Variants in FNDC8 observed in about 807,000 individuals in gnomAD.
The protein encoded by FNDC8 is fibronectin type III domain containing 8.
A neutral mutation model predicts 24.8 loss-of-function variants in FNDC8; 23 were observed. That is an observed-to-expected ratio of 0.93 (90% CI 0.67 to 1.31). The LOEUF (loss-of-function observed/expected upper bound fraction) is 1.31. Ranked by LOEUF, FNDC8 falls within the 40% of genes most tolerant of loss-of-function variation. FNDC8 has a pLI of 0.00. For synonymous variants in FNDC8, 158 were observed against 165.3 expected (o/e 0.96, Z 0.34); for missense variants, 371 against 398.2 (o/e 0.93, Z 0.58).
intron 1 of FNDC8, among the ~76,000 whole-genome samples, chr17:35,124,902 G>C (rs1354448548): frequency 1.3e-5 from 2 of 151,524 alleles, no homozygotes; most frequent in African/African-American, 4.9e-5. Context: ...ACAAAAATTG[G>C]GCAGATGTGG....
chr17:35,130,142 T>G, intron 3 of FNDC8, 140 bp from the exon 4 acceptor site: 1 of 1,450,460 alleles, frequency 6.9e-7, no homozygotes, highest in Non-Finnish European at 9.0e-7. Flanking sequence ...TGCACCTGTT[T>G]CCTGCGTCAA....
At chr17:35,122,643 G>T (rs1245807438) in intron 1 of FNDC8, among the ~76,000 whole-genome samples, 1 of 151,964 alleles carries the variant, frequency 6.6e-6, no homozygotes, top group African/African-American at 2.4e-5. Context: ...CTCTCTCTTT[G>T]GTACCTTCAT....
In FNDC8 at chr17:35,129,420, A is replaced by G; in HGVS notation, c.586-2A>G. ...AAGCCTCGGGGCTCTCTCTTCCCCT[A>G]GATTTCCTGGACCTACGCCTTGGGC... On this transcript the variant is annotated splice_acceptor_variant, in intron 2 of 3. Coordinates refer to ENST00000158009, the MANE Select transcript of FNDC8 (RefSeq NM_017559.4). LOFTEE classifies it high-confidence loss of function. 6.2e-7 allele frequency: 1 copy of G among 1,612,878 alleles called. No individual in the cohort carries two copies. The highest frequency in any genetic ancestry group is 8.5e-7 in the Non-Finnish European group (1 of 1,178,976).
chr17:35,129,471 T>C lies in FNDC8; in HGVS notation c.635T>C (p.Leu212Pro), dbSNP rs2091863177. Residue 212 changes from leucine (L) to proline (P), a missense_variant, in exon 3 of 4, where the codon CTC becomes CCC. Transcript: ENST00000158009. Reference sequence around the variant, plus strand: ...AAGCAGCCGGTCAGTTTCTACCAGCTCCTGTTACAGGAGGTGGCCAAGACA... The same window carrying C: ...AAGCAGCCGGTCAGTTTCTACCAGCCCCTGTTACAGGAGGTGGCCAAGACA... Reference protein sequence around the residue: ...LGKQPVSFYQLLLQEVAKTQE... With the variant: ...LGKQPVSFYQPLLQEVAKTQE... 1.2e-6 allele frequency: 2 copies of C among 1,614,138 alleles called. No individual in the cohort carries two copies. Among genetic ancestry groups the C allele is most frequent in the Non-Finnish European group, 1.7e-6 (2 of 1,180,020 alleles).
chr17:35,122,210 AT>A, intron 1 of FNDC8, among the ~76,000 whole-genome samples: 1 of 44,794 alleles, frequency 2.2e-5, no homozygotes, highest in African/African-American at 7.8e-5. Flanking sequence ...ATATATATAA[AT>A]TTTTTTTTTT....
intron 3 of FNDC8, 122 bp from the exon 4 acceptor site, chr17:35,130,160 G>C: frequency 6.8e-7 from 1 of 1,469,828 alleles, no homozygotes; most frequent in Non-Finnish European, 9.0e-7. Context: ...CAATGGCTAG[G>C]TTGGATAAGG....
At chr17:35,130,050 G>A in intron 3 of FNDC8, 1 of 1,408,296 alleles carries the variant, frequency 7.1e-7, no homozygotes, top group South Asian at 1.6e-5. Flanking sequence ...AGGGGTATGG[G>A]GGTATAGAGG....
At chr17:35,125,524 T>C (rs2091845707) in intron 1 of FNDC8, among the ~76,000 whole-genome samples, 1 of 152,100 alleles carries the variant, frequency 6.6e-6, no homozygotes, top group African/African-American at 2.4e-5. Flanking sequence ...CAACACAAAG[T>C]TGAGTGAAAA....
intron 2 of FNDC8, chr17:35,128,995 TA>T (rs2091860553): frequency 5.6e-6 from 1 of 179,352 alleles, no homozygotes; most frequent in South Asian, 1.3e-4. Context: ...TATGGGAATC[TA>T]ATGCCTCTGC....
intron 1 of FNDC8, 128 bp from the exon 2 acceptor site, chr17:35,126,914 T>G: frequency 2.6e-6 from 3 of 1,161,172 alleles, no homozygotes; most frequent in Non-Finnish European, 3.6e-6. Flanking sequence ...TATAGAGCAA[T>G]GAGGCTGTTC....
intron 2 of FNDC8, 137 bp downstream of exon 2, chr17:35,127,554 C>A: frequency 9.3e-7 from 1 of 1,076,280 alleles, no homozygotes; most frequent in Non-Finnish European, 1.3e-6. Context: ...GAGGATGTGT[C>A]TGTAAAAACT....
At chr17:35,122,923 G>C (rs889785137) in intron 1 of FNDC8, among the ~76,000 whole-genome samples, 1 of 152,196 alleles carries the variant, frequency 6.6e-6, no homozygotes, top group Non-Finnish European at 1.5e-5. Context: ...GTAAGTGCCA[G>C]GACAGGATGC....
chr17:35,129,760 T>C, intron 3 of FNDC8, 102 bp downstream of exon 3: 2 of 1,488,226 alleles, frequency 1.3e-6, no homozygotes, highest in Non-Finnish European at 1.8e-6. Context: ...ACATGACTCA[T>C]CTGGCTAGCT....
At position 35,122,196 on chromosome 17, in the gene FNDC8, ATATATATATATAAAT is replaced by A. The variant is rs1567738560; in HGVS notation, c.209+296_209+310del. On this transcript the variant is annotated intron_variant, in intron 1 of 3. Transcript: ENST00000158009. ...TATATATATATATATATATATATAT[ATATATATATATAAAT>A]TTTTTTTTTTGGTAGAAACGGGGTT... is the stretch of plus-strand genomic sequence containing the variant. 2.9e-4 allele frequency among the ~76,000 whole-genome samples: 6 copies of A among 20,382 alleles called. 1 individual carries two copies. The highest frequency in any genetic ancestry group is 1.5e-3 in the African/African-American group (6 of 4,062). The allele number at this position is 20,382 out of a possible 152,430, so 13.4% of individuals were successfully genotyped here.
chr17:35,127,395 C>G lies in FNDC8; in HGVS notation c.563C>G (p.Thr188Ser). Residue 188 changes from threonine (T) to serine (S), a missense_variant, in exon 2 of 4, where the codon ACC becomes AGC. Thr to Ser is a moderately conservative substitution (Grantham distance 58). Coordinates refer to ENST00000158009, the MANE Select transcript of FNDC8 (RefSeq NM_017559.4). ...GACACCCCCTTCATCTTTGAGCACA[C>G]CGTCAACAATTCCACAGCTGTGGTG... is the stretch of plus-strand genomic sequence containing the variant. ...LPDTPFIFEH[T>S]VNNSTAVISW... is the part of the protein sequence containing the mutation. 4 of 1,564,342 alleles carry G rather than the reference C, an allele frequency of 2.6e-6. No individual in the cohort carries two copies. Among genetic ancestry groups the G allele is most frequent in the Non-Finnish European group, 2.6e-6 (3 of 1,155,650 alleles).
intron 3 of FNDC8, 82 bp downstream of exon 3, chr17:35,129,740 C>T: frequency 1.3e-6 from 2 of 1,529,020 alleles, no homozygotes; most frequent in Non-Finnish European, 1.8e-6. Context: ...TTGGGAACAC[C>T]CCTATGCCCA....
In FNDC8 at chr17:35,130,564, C is replaced by A; in HGVS notation, c.*130C>A. 1 of 982,458 alleles carries A rather than the reference C, an allele frequency of 1.0e-6. No individual in the cohort carries two copies. The highest frequency in any genetic ancestry group is 1.5e-6 in the Non-Finnish European group (1 of 681,410). 60.9% of individuals were successfully genotyped at this position (982,458 alleles called of 1,614,324 possible). A position where few individuals can be genotyped will look rare whatever the true frequency, so the allele number is the denominator to read the frequency against. ...GGGGTCTGGCAGAGTGGTATGGGCA[C>A]CCCACCCCTGGGCTGGGGCCAAGGC... On this transcript the variant is annotated 3_prime_UTR_variant, in exon 4 of 4. Transcript: ENST00000158009.
chr17:35,121,921 C>T lies in FNDC8; in HGVS notation c.209+19C>T. 1 of 1,183,094 alleles carries T rather than the reference C, an allele frequency of 8.5e-7. No homozygotes were observed. Among genetic ancestry groups the T allele is most frequent in the South Asian group, 1.2e-5 (1 of 80,388 alleles). 73.3% of individuals were successfully genotyped at this position (1,183,094 alleles called of 1,614,324 possible). ...ACCTACTGTAAGTCACAAATCTGGT[C>T]CCTCCCTCCCTCCCTCCCTCCCTCC... On this transcript the variant is annotated intron_variant, in intron 1 of 3. Coordinates refer to ENST00000158009, the MANE Select transcript of FNDC8 (RefSeq NM_017559.4).
intron 3 of FNDC8, chr17:35,130,040 AG>A (rs972940782): frequency 8.8e-5 from 123 of 1,394,752 alleles, no homozygotes; most frequent in Non-Finnish European, 1.1e-4. Flanking sequence ...GGTATGGGGT[AG>A]GGGTATGGGG....
Sources: gnomAD v4.1 joint callset for allele counts (sites outside exome capture counted in the v4.1 genomes callset) on GRCh38, gnomAD v4.1.1 for gene constraint, MANE v1.5 for transcripts, NCBI Gene and HGNC (gene_info 2026-07-23, HGNC 2026-07-21) for gene names.